The following CD38 variants were observed in gnomAD, a reference collection of about 807,000 sequenced individuals.
The protein encoded by CD38 is CD38 molecule.
Under a neutral mutation model 36.3 loss-of-function variants are expected in CD38, and 31 were observed. That is an observed-to-expected ratio of 0.85 (90% CI 0.64 to 1.15). CD38 has a LOEUF of 1.15. CD38 is among the 50% of genes most tolerant of loss of function. CD38 has a pLI of 0.00. For synonymous variants in CD38, 131 were observed against 135.2 expected (o/e 0.97, Z 0.22); for missense variants, 380 against 371.9 (o/e 1.02, Z -0.18).
chr4:15,782,226 C>G (rs2076280839), intron 1 of CD38, among the ~76,000 whole-genome samples: 1 of 152,228 alleles, frequency 6.6e-6, no homozygotes, highest in Non-Finnish European at 1.5e-5. Flanking sequence ...GGCACAGCTT[C>G]CCTTCCACAG....
chr4:15,807,431 T>C (rs1560311819), intron 1 of CD38, among the ~76,000 whole-genome samples: 2 of 152,182 alleles, frequency 1.3e-5, no homozygotes, highest in African/African-American at 2.4e-5. Context: ...TGGTCTATCA[T>C]GGTGATAGGC....
intron 4 of CD38, among the ~76,000 whole-genome samples, chr4:15,835,647 A>G (rs111334914): frequency 0.059 from 8,919 of 150,610 alleles, 361 homozygotes; most frequent in East Asian, 0.18. Context: ...CAAGGTGCTA[A>G]GACTACAGCC....
rs531888319 is a variant in CD38 at position 15,791,787 on chromosome 4, T to C, written c.233+13140T>C. Among the ~76,000 whole-genome samples the C allele has an allele frequency of 5.2e-4, 40 of 76,330 alleles. 3 individuals are homozygous for C. The East Asian group carries it at 0.011, about 21-fold the overall frequency. The allele number at this position is 76,330 out of a possible 152,430, so 50.1% of individuals were successfully genotyped here. Reference sequence around the variant, plus strand: ...TCCCTCTGCCCGGCCAGCCGCCCCGTCCGGGAGGGAGGTGGGAGGGTCAGC... The same window carrying C: ...TCCCTCTGCCCGGCCAGCCGCCCCGCCCGGGAGGGAGGTGGGAGGGTCAGC... On this transcript the variant is annotated intron_variant, in intron 1 of 7. Transcript: ENST00000226279.
At position 15,850,981 on chromosome 4, in the gene CD38, A is replaced by G. The variant is rs1724370521; in HGVS notation, c.*2379A>G. The G allele has an allele frequency of 6.6e-6, 1 of 152,162 alleles. No homozygotes were observed. Among genetic ancestry groups the G allele is most frequent in the South Asian group, 2.1e-4 (1 of 4,822 alleles). 9.4% of individuals were successfully genotyped at this position (152,162 alleles called of 1,614,324 possible). A position where few individuals can be genotyped will look rare whatever the true frequency, so the allele number is the denominator to read the frequency against. On this transcript the variant is annotated 3_prime_UTR_variant, in exon 8 of 8. Coordinates refer to ENST00000226279, the MANE Select transcript of CD38 (RefSeq NM_001775.4). ...GCTGCCTGGGCCACATCCCCTTCCA[A>G]ACAAGAAATCAAAATATTAGAAATC...
intron 1 of CD38, among the ~76,000 whole-genome samples, chr4:15,811,626 A>G (rs553666492): frequency 6.6e-6 from 1 of 151,314 alleles, no homozygotes; most frequent in East Asian, 1.9e-4. Context: ...CCATTGATCT[A>G]TATTTCTATC....
intron 1 of CD38, among the ~76,000 whole-genome samples, chr4:15,806,673 C>A (rs994716783): frequency 6.6e-6 from 1 of 152,024 alleles, no homozygotes; most frequent in East Asian, 1.9e-4. Flanking sequence ...GTGAACTCGA[C>A]GGAATGATGT....
At chr4:15,840,662 C>A in intron 7 of CD38, 124 bp downstream of exon 7, 1 of 615,866 alleles carries the variant, frequency 1.6e-6, no homozygotes, top group Non-Finnish European at 2.9e-6. Flanking sequence ...ATGATGATCA[C>A]AGATGGCAAC....
chr4:15,839,247 T>C (rs1724145406), intron 5 of CD38, among the ~76,000 whole-genome samples: 1 of 151,880 alleles, frequency 6.6e-6, no homozygotes, highest in Admixed American at 6.6e-5. Context: ...GAAACAGGAG[T>C]GTCAGTTGTC....
At chr4:15,839,580 C>T (rs977187232) in intron 5 of CD38, among the ~76,000 whole-genome samples, 12 of 151,874 alleles carry the variant, frequency 7.9e-5, no homozygotes, top group Middle Eastern at 3.4e-3. Context: ...CCCACCACCA[C>T]GCCCAGCTAA....
intron 5 of CD38, 34 bp downstream of exon 5, chr4:15,838,199 T>C: frequency 7.1e-7 from 1 of 1,414,868 alleles, no homozygotes; most frequent in Non-Finnish European, 1.0e-6. Flanking sequence ...TTTGCAAGTA[T>C]CCTGTTGCAA....
chr4:15,796,233 T>C (rs1252669581), intron 1 of CD38, among the ~76,000 whole-genome samples: 1 of 152,172 alleles, frequency 6.6e-6, no homozygotes, highest in Non-Finnish European at 1.5e-5. Context: ...CCTGCTTTTA[T>C]GTGTTAATAC....
Position 15,849,527 on chromosome 4 carries a change from G to A in CD38, c.*925G>A, listed in dbSNP as rs556525776. On this transcript the variant is annotated 3_prime_UTR_variant, in exon 8 of 8. Coordinates refer to ENST00000226279, the MANE Select transcript of CD38 (RefSeq NM_001775.4). Reference sequence around the variant, plus strand: ...CCAAAACACATGTTTTTCTTCCCCCGTCTTCCTCCTCCTCTTCATGCTCAG... The same window carrying A: ...CCAAAACACATGTTTTTCTTCCCCCATCTTCCTCCTCCTCTTCATGCTCAG... 7 of 152,170 alleles carry A rather than the reference G, an allele frequency of 4.6e-5. No homozygotes were observed. The highest frequency in any genetic ancestry group is 7.2e-5 in the African/African-American group (3 of 41,512). The allele number at this position is 152,170 out of a possible 1,614,324, so 9.4% of individuals were successfully genotyped here.
intron 7 of CD38, 97 bp downstream of exon 7, chr4:15,840,635 A>G (rs1016535770): frequency 1.0e-5 from 7 of 692,086 alleles, no homozygotes; most frequent in African/African-American, 9.0e-5. Flanking sequence ...GGCTGTGTGA[A>G]TCTTTCTTGG....
chr4:15,837,822 A>T (rs1476390896), intron 4 of CD38, among the ~76,000 whole-genome samples: 1 of 152,166 alleles, frequency 6.6e-6, no homozygotes, highest in Non-Finnish European at 1.5e-5. Context: ...TGGACTTCTG[A>T]CTTCTGAACC....
intron 2 of CD38, among the ~76,000 whole-genome samples, chr4:15,820,128 T>G (rs1266283183): frequency 6.6e-6 from 1 of 152,216 alleles, no homozygotes; most frequent in Non-Finnish European, 1.5e-5. Flanking sequence ...AAAATCTTTT[T>G]CAGACAAGCA....
rs927924214 is a variant in CD38 at position 15,778,398 on chromosome 4, A to T, written c.-17A>T. 6 of 1,595,188 alleles carry T rather than the reference A, an allele frequency of 3.8e-6. No individual in the cohort carries two copies. In the East Asian group the frequency reaches 1.3e-4, roughly 36 times the overall value. ...TGCCGGCCTCATCTTCGCCCAGCCAACCCCGCCTGGAGCCCTATGGCCAAC... is the reference window on the plus strand; with the variant it reads ...TGCCGGCCTCATCTTCGCCCAGCCATCCCCGCCTGGAGCCCTATGGCCAAC... On this transcript the variant is annotated 5_prime_UTR_variant, in exon 1 of 8. Coordinates refer to ENST00000226279, the MANE Select transcript of CD38 (RefSeq NM_001775.4). The surrounding 1 kb of genome is among the most constrained non-coding windows in gnomAD (Gnocchi z 4.9).
intron 1 of CD38, among the ~76,000 whole-genome samples, chr4:15,786,881 C>T (rs544952363): frequency 3.9e-4 from 60 of 152,346 alleles, no homozygotes; most frequent in Non-Finnish European, 6.9e-4. Context: ...CCCTGCCCCG[C>T]GGGGAGGCAG....
intron 1 of CD38, among the ~76,000 whole-genome samples, chr4:15,816,182 A>G (rs543008710): frequency 5.5e-4 from 84 of 151,936 alleles, no homozygotes; most frequent in Non-Finnish European, 9.7e-4. Context: ...TTTAGTGAGG[A>G]TTTTTGCATC....
intron 1 of CD38, among the ~76,000 whole-genome samples, chr4:15,816,130 G>A (rs1294052871): frequency 5.9e-5 from 9 of 152,160 alleles, no homozygotes; most frequent in Non-Finnish European, 1.2e-4. Flanking sequence ...GATCGTGGTG[G>A]ATAAGCTTTT....
Sources: gnomAD v4.1 joint callset for allele counts (sites outside exome capture counted in the v4.1 genomes callset) on GRCh38, gnomAD v4.1.1 for gene constraint, Gnocchi (gnomAD v3.1) non-coding constraint, MANE v1.5 for transcripts, NCBI Gene and HGNC (gene_info 2026-07-23, HGNC 2026-07-21) for gene names.